PHKA2: variants seen among roughly 807,000 people sequenced by gnomAD.
The protein encoded by PHKA2 is phosphorylase kinase regulatory subunit alpha 2.
Under a neutral mutation model 102.0 loss-of-function variants are expected in PHKA2, and 31 were observed. That is an observed-to-expected ratio of 0.30 (90% confidence interval 0.23 to 0.41). PHKA2 has a LOEUF of 0.41. Ranked by LOEUF, PHKA2 falls within the 10% of genes least tolerant of loss-of-function variation. The pLI, the probability that PHKA2 is intolerant of heterozygous loss-of-function variation, is 1.00. For missense variants in PHKA2, 858 were observed against 1,023.1 expected (o/e 0.84, Z 2.20); for synonymous variants, 455 against 416.2 (o/e 1.09, Z -1.13).
chrX:18,966,693 T>C (rs2148021412), intron 1 of PHKA2, among the ~76,000 whole-genome samples: 1 of 111,846 alleles, frequency 8.9e-6, no homozygotes, highest in African/African-American at 3.2e-5. Flanking sequence ...GGGAAAATGT[T>C]ATCTATGGAG....
rs1432884840 is a variant in PHKA2, at chrX:18,941,615, G to A, written c.778C>T (p.Leu260Phe). 5 of 1,165,049 alleles carry A rather than the reference G, an allele frequency of 4.3e-6. No individual in the cohort carries two copies. Among genetic ancestry groups the A allele is most frequent in the Non-Finnish European group, 5.9e-6 (5 of 852,330 alleles). The change falls in exon 8 of 33, where the codon CTT becomes TTT. Residue 260 changes from leucine to phenylalanine, a missense_variant. Around this residue, in one of 2 missense-constraint regions of PHKA2, gnomAD observed 187 missense variants for 277.9 expected, o/e 0.67. Coordinates refer to ENST00000379942, the MANE Select transcript of PHKA2 (RefSeq NM_000292.3). Reference sequence around the variant, plus strand: ...AAGGCCGGGAAGGAAATAATGGAAAGAAGTCCAGCATCAATTTCTTTAGAT... The same window carrying A: ...AAGGCCGGGAAGGAAATAATGGAAAAAAGTCCAGCATCAATTTCTTTAGAT... ...STSKEIDAGL[L>F]SIISFPAFAV...
chrX:18,894,501 G>A, intron 31 of PHKA2, 97 bp from the exon 32 acceptor site: 1 of 741,938 alleles, frequency 1.3e-6, no homozygotes, highest in Non-Finnish European at 2.1e-6. Flanking sequence ...GCAGTGCCTG[G>A]GCTCGGGGCT....
chrX:18,960,219 A>G, intron 1 of PHKA2, among the ~76,000 whole-genome samples: 1 of 111,928 alleles, frequency 8.9e-6, no homozygotes, highest in South Asian at 3.8e-4. Flanking sequence ...CTTCTTGTCC[A>G]TGCCTTGTGT....
rs148945763 is a variant in PHKA2, at chrX:18,906,499, G to C, written c.2802C>G (p.Cys934Trp). Reference sequence around the variant, plus strand: ...CAGGAGCTGCGGGCATCTCACCTGAGCAGTTCAGGCTCCGTGCCAGCTCCG... The same window carrying C: ...CAGGAGCTGCGGGCATCTCACCTGACCAGTTCAGGCTCCGTGCCAGCTCCG... ...MATELARSLNCSGEEASESLM... is the reference protein window; with the variant it reads ...MATELARSLNWSGEEASESLM... The change falls in exon 25 of 33, where the codon TGC becomes TGG. Residue 934 changes from cysteine (C) to tryptophan (W), a missense_variant. Cys to Trp is a radical substitution (Grantham distance 215). Coordinates refer to ENST00000379942, the MANE Select transcript of PHKA2 (RefSeq NM_000292.3). The C allele has an allele frequency of 1.6e-4, 195 of 1,210,831 alleles. 1 individual carries two copies. In the African/African-American group the frequency reaches 2.7e-3, roughly 17 times the overall value.
intron 29 of PHKA2, 123 bp downstream of exon 29, chrX:18,899,050 G>A (rs2047626299): frequency 5.0e-6 from 3 of 604,941 alleles, no homozygotes; most frequent in Admixed American, 4.9e-5. Flanking sequence ...AGGAGCCTGT[G>A]AGCATCCCGC....
Position 18,941,583 on chromosome X carries a change from C to T in PHKA2, c.810G>A (p.Val270=). The change falls in exon 8 of 33, where the codon GTG becomes GTA. Residue 270 remains valine, a synonymous_variant. Transcript: ENST00000379942. ...TCACATTTACAAGGTTTACATCTTC[C>T]ACTGCAAAGGCCGGGAAGGAAATAA... ...LSIISFPAFA[V]EDVNLVNVTK... is the part of the protein sequence containing the mutation. 8.3e-7 allele frequency: 1 copy of T among 1,198,291 alleles called. No individual in the cohort carries two copies. The highest frequency in any genetic ancestry group is 1.1e-6 in the Non-Finnish European group (1 of 883,051).
chrX:18,982,424 G>T (rs2049183729), intron 1 of PHKA2, among the ~76,000 whole-genome samples: 1 of 112,436 alleles, frequency 8.9e-6, no homozygotes, highest in African/African-American at 3.2e-5. Context: ...AAGGGGTGCT[G>T]CCCAGATCTG....
chrX:18,983,952 C>T lies in PHKA2; in HGVS notation c.-20G>A. 8.4e-7 allele frequency: 1 copy of T among 1,190,592 alleles called. No individual in the cohort carries two copies. The highest frequency in any genetic ancestry group is 1.7e-5 in the African/African-American group (1 of 57,707). On this transcript the variant is annotated 5_prime_UTR_variant, in exon 1 of 33. Transcript: ENST00000379942. Reference sequence around the variant, plus strand: ...CCGCATCTCCCCGAGGCTCCCAGGCCGCAGCGCCCGATCTGCCGCGTGGGC... The same window carrying T: ...CCGCATCTCCCCGAGGCTCCCAGGCTGCAGCGCCCGATCTGCCGCGTGGGC...
chrX:18,894,585 A>T (rs1263531623), intron 31 of PHKA2, 181 bp from the exon 32 acceptor site: 1 of 483,780 alleles, frequency 2.1e-6, no homozygotes, highest in Non-Finnish European at 3.7e-6. Flanking sequence ...AGGAGGCTGG[A>T]GTATGCCTCC....
In PHKA2 at chrX:18,893,074, G is replaced by A. The variant is rs1484374237; in HGVS notation, c.*411C>T. On this transcript the variant is annotated 3_prime_UTR_variant, in exon 33 of 33. Coordinates refer to ENST00000379942, the MANE Select transcript of PHKA2 (RefSeq NM_000292.3). The stretch of plus-strand genomic sequence containing the variant: ...TTGTCAAGGCTACTGCCGCCAGGAG[G>A]ATCTTTGCATCTTTAGGATGTGTCA... The A allele has an allele frequency of 4.8e-6, 1 of 207,479 alleles. No individual in the cohort carries two copies. The highest frequency in any genetic ancestry group is 9.0e-6 in the Non-Finnish European group (1 of 111,474). 17.1% of individuals were successfully genotyped at this position (207,479 alleles called of 1,213,427 possible). A position where few individuals can be genotyped will look rare whatever the true frequency, so the allele number is the denominator to read the frequency against.
At chrX:18,936,195 A>T (rs2048391961) in intron 10 of PHKA2, 45 bp from the exon 11 acceptor site, 3 of 899,726 alleles carry the variant, frequency 3.3e-6, no homozygotes, top group Non-Finnish European at 4.8e-6. Context: ...AGGTCTGGTC[A>T]TGATTGCTGT....
chrX:18,895,930 C>T (rs1350043781), intron 30 of PHKA2: 2 of 112,313 alleles, frequency 1.8e-5, no homozygotes, highest in Non-Finnish European at 3.7e-5. Context: ...CCATGAGCCC[C>T]TGCAGGATCC....
chrX:18,895,426 A>G (rs2047527665), intron 30 of PHKA2: 1 of 434,553 alleles, frequency 2.3e-6, no homozygotes, highest in Admixed American at 3.3e-5. Flanking sequence ...ATCTCCCCCG[A>G]ACAATGCCCT....
At chrX:18,977,205 T>C (rs1212334695) in intron 1 of PHKA2, among the ~76,000 whole-genome samples, 1 of 111,924 alleles carries the variant, frequency 8.9e-6, no homozygotes, top group African/African-American at 3.3e-5. Context: ...ATGACAGGCA[T>C]CAGCAATTGT....
intron 8 of PHKA2, among the ~76,000 whole-genome samples, 164 bp from the exon 9 acceptor site, chrX:18,940,212 A>G (rs1185277469): frequency 8.9e-6 from 1 of 112,220 alleles, no homozygotes; most frequent in Non-Finnish European, 1.9e-5. Context: ...AATAAGCAAA[A>G]TCAATTCAGG....
intron 5 of PHKA2, among the ~76,000 whole-genome samples, chrX:18,946,068 C>T (rs1442526784): frequency 9.1e-6 from 1 of 110,153 alleles, no homozygotes; most frequent in Non-Finnish European, 1.9e-5. Context: ...GCTGGGATTA[C>T]AGGCGCACAC....
chrX:18,950,524 G>T (rs1156439593), intron 4 of PHKA2, among the ~76,000 whole-genome samples: 2 of 112,622 alleles, frequency 1.8e-5, no homozygotes. Context: ...CCAGGTGGAG[G>T]GTGACTGTCC....
chrX:18,978,466 C>A (rs1157077066), intron 1 of PHKA2, among the ~76,000 whole-genome samples: 1 of 111,880 alleles, frequency 8.9e-6, no homozygotes, highest in Non-Finnish European at 1.9e-5. Flanking sequence ...ATAATCCCAG[C>A]ACTTTGAGAG....
intron 3 of PHKA2, among the ~76,000 whole-genome samples, chrX:18,951,698 G>A (rs2048691553): frequency 9.0e-6 from 1 of 111,433 alleles, no homozygotes; most frequent in Non-Finnish European, 1.9e-5. Context: ...CTGAGAGTGA[G>A]GACTGTTTTG....
Sources: allele counts gnomAD v4.1 joint callset (sites outside exome capture counted in the v4.1 genomes callset), GRCh38; gene constraint gnomAD v4.1.1; regional missense constraint gnomAD v4.1.1; transcripts MANE v1.5; gene names NCBI Gene and HGNC (gene_info 2026-07-23, HGNC 2026-07-21).